CACNB4: variants seen among roughly 807,000 people sequenced by gnomAD.
CACNB4 encodes the protein calcium voltage-gated channel auxiliary subunit beta 4, also known as voltage-dependent L-type calcium channel subunit beta-4.
CACNB4 carries 32 observed loss-of-function variants against 71.2 expected under a neutral mutation model. The observed-to-expected ratio is 0.45, with a 90% CI of 0.34 to 0.60. The LOEUF (loss-of-function observed/expected upper bound fraction) is 0.60, where lower values mean the gene tolerates loss of function less well. CACNB4 is among the 20% of genes least tolerant of loss of function. The pLI is 0.01. For missense variants in CACNB4, 464 were observed against 647.9 expected, an observed-to-expected ratio of 0.72 and a Z score of 3.08; for synonymous variants, 231 against 236.9, an observed-to-expected ratio of 0.97 and a Z score of 0.23.
At chr2:151,947,942 G>A (rs2099865995) in intron 2 of CACNB4, among the ~76,000 whole-genome samples, 1 of 152,224 alleles carries the variant, frequency 6.6e-6, no homozygotes, top group Non-Finnish European at 1.5e-5. Context: ...CGAGGCTGCC[G>A]GAGGTAGGCG....
chr2:152,069,318 G>A (rs1221277911), intron 2 of CACNB4, among the ~76,000 whole-genome samples: 2 of 152,070 alleles, frequency 1.3e-5, no homozygotes, highest in African/African-American at 4.8e-5. Context: ...ACAGAAACAT[G>A]GGATAAAACA....
chr2:151,979,459 T>TA (rs754510100), intron 2 of CACNB4, among the ~76,000 whole-genome samples: 4,993 of 137,120 alleles, frequency 0.036, 92 homozygotes, highest in African/African-American at 0.057. Flanking sequence ...AAATTTCAGT[T>TA]AAAAAAAAAA....
At chr2:151,963,748 C>T (rs928376812) in intron 2 of CACNB4, among the ~76,000 whole-genome samples, 4 of 152,124 alleles carry the variant, frequency 2.6e-5, no homozygotes, top group African/African-American at 7.2e-5. Context: ...TGGAGAAATG[C>T]TCCATGTGTA....
intron 2 of CACNB4, among the ~76,000 whole-genome samples, chr2:151,955,139 G>A (rs950325643): frequency 1.3e-5 from 2 of 152,098 alleles, no homozygotes; most frequent in Non-Finnish European, 2.9e-5. Flanking sequence ...ACAGGCGTGA[G>A]CCACCGTGCC....
intron 3 of CACNB4, among the ~76,000 whole-genome samples, chr2:151,881,353 T>C (rs1313886175): frequency 1.3e-5 from 2 of 151,832 alleles, no homozygotes; most frequent in Non-Finnish European, 1.5e-5. Context: ...TTTTAAATAG[T>C]CCAGATCTGA....
rs1553746047 is a variant in CACNB4 at position 151,853,486 on chromosome 2, G to A, written c.1078C>T (p.Gln360Ter). The change falls in exon 12 of 14, where the codon CAA (glutamine) becomes TAA (stop). Residue 360 changes from glutamine to a stop codon, truncating the protein, a stop_gained. Transcript: ENST00000539935. LOFTEE classifies it high-confidence loss of function. ...GKSQSKHLNV[Q>*]LVAADKLAQC... is the part of the protein sequence containing the mutation. ...GCAAGTTTATCAGCTGCCACCAGTT[G>A]AACATTCAAGTGTTTACTTTGTGAC... is the stretch of plus-strand genomic sequence containing the variant. The A allele has an allele frequency of 6.3e-7, 1 of 1,599,418 alleles. No homozygotes were observed. Among genetic ancestry groups the A allele is most frequent in the Non-Finnish European group, 8.5e-7 (1 of 1,173,638 alleles).
intron 2 of CACNB4, among the ~76,000 whole-genome samples, chr2:151,889,986 C>T (rs541429483): frequency 2.6e-5 from 4 of 152,194 alleles, no homozygotes; most frequent in East Asian, 3.9e-4. Context: ...CTTGGTGTGA[C>T]GCTAATTGTT....
At chr2:151,959,180 A>G (rs2099869030) in intron 2 of CACNB4, among the ~76,000 whole-genome samples, 1 of 152,232 alleles carries the variant, frequency 6.6e-6, no homozygotes, top group South Asian at 2.1e-4. Context: ...AAGAAATGAT[A>G]TAGTTTATAG....
chr2:151,849,108 A>G (rs1428492879), intron 12 of CACNB4, among the ~76,000 whole-genome samples: 1 of 152,166 alleles, frequency 6.6e-6, no homozygotes, highest in Non-Finnish European at 1.5e-5. Context: ...ACGAGAGGAA[A>G]GTCCTTCCTC....
Position 151,864,248 on chromosome 2 carries a change from C to T in CACNB4, c.759-3428G>A, listed in dbSNP as rs1333883252. On this transcript the variant is annotated intron_variant, in intron 9 of 13. Transcript: ENST00000539935. ...AAAAGACTAATAGGAGTTTAGTTCC[C>T]CAGCAGACTGGATGTAGCAGCGAAT... is the stretch of plus-strand genomic sequence containing the variant. Among the ~76,000 whole-genome samples the T allele has an allele frequency of 3.9e-5, 6 of 152,122 alleles. No individual in the cohort carries two copies. In the East Asian group the frequency reaches 1.2e-3, roughly 29 times the overall value.
chr2:152,032,826 C>T (rs372189093), intron 2 of CACNB4, among the ~76,000 whole-genome samples: 6 of 152,096 alleles, frequency 3.9e-5, no homozygotes, highest in African/African-American at 9.7e-5. Context: ...TGTTGGCATA[C>T]GCCTATAGTC....
intron 2 of CACNB4, among the ~76,000 whole-genome samples, chr2:151,920,359 T>C (rs1267468646): frequency 1.4e-5 from 2 of 145,190 alleles, no homozygotes; most frequent in Non-Finnish European, 3.0e-5. Flanking sequence ...TCTTGCTCTG[T>C]TGTCCACAAC....
At chr2:152,035,630 C>CCTCTCTCTCTCTCTCTCTCTCTCT (rs369495604) in intron 2 of CACNB4, among the ~76,000 whole-genome samples, 4 of 93,290 alleles carry the variant, frequency 4.3e-5, no homozygotes, top group African/African-American at 8.7e-5. Context: ...CCTCCCTCTC[C>CCTCTCTCTCTCTCTCTCTCTCTCT]CTCTCTCTCT....
chr2:151,881,313 A>C (rs566590347), intron 3 of CACNB4, among the ~76,000 whole-genome samples: 5 of 152,294 alleles, frequency 3.3e-5, no homozygotes, highest in Admixed American at 3.3e-4. Context: ...AAAGAAAAAA[A>C]AAAAGGTGGG....
chr2:151,865,588 G>A (rs1459508721), intron 9 of CACNB4, among the ~76,000 whole-genome samples: 1 of 152,178 alleles, frequency 6.6e-6, no homozygotes, highest in African/African-American at 2.4e-5. Flanking sequence ...GATTCAGCCA[G>A]CTGAACAAAC....
chr2:151,859,949 T>A (rs1172282808), intron 10 of CACNB4: 1 of 152,226 alleles, frequency 6.6e-6, no homozygotes, highest in Non-Finnish European at 1.5e-5. Flanking sequence ...ATGTAAGGCA[T>A]GGAAGAGCCC....
chr2:152,046,708 T>C (rs1160656766), intron 2 of CACNB4, among the ~76,000 whole-genome samples: 2 of 152,204 alleles, frequency 1.3e-5, no homozygotes, highest in Non-Finnish European at 2.9e-5. Context: ...TGTTGAGCTG[T>C]AGCCAGGGGA....
intron 8 of CACNB4, chr2:151,869,933 C>G (rs1252026513): frequency 2.3e-6 from 1 of 429,742 alleles, no homozygotes; most frequent in Non-Finnish European, 4.1e-6. Flanking sequence ...ATTTTTTAAT[C>G]CAAGCTAGCA....
intron 2 of CACNB4, among the ~76,000 whole-genome samples, chr2:151,887,585 A>G (rs1334889604): frequency 6.6e-6 from 1 of 152,192 alleles, no homozygotes; most frequent in Admixed American, 6.5e-5. Context: ...GAAACAATGT[A>G]AGGGCTTCTT....
Sources: gnomAD v4.1 joint callset for allele counts (sites outside exome capture counted in the v4.1 genomes callset) on GRCh38, gnomAD v4.1.1 for gene constraint, MANE v1.5 for transcripts, NCBI Gene and HGNC (gene_info 2026-07-23, HGNC 2026-07-21) for gene names.